The following ACTR3C variants were observed in gnomAD, a reference collection of about 807,000 sequenced individuals.
ACTR3C encodes actin related protein 3C, also known as actin-related protein 3C.
Under a neutral mutation model 26.3 loss-of-function variants are expected in ACTR3C, and 18 were observed. The observed-to-expected ratio is 0.68, with a 90% CI of 0.47 to 1.01. The LOEUF (loss-of-function observed/expected upper bound fraction) is 1.01, where lower values mean the gene tolerates loss of function less well. ACTR3C is among the 50% of genes least tolerant of loss of function. The pLI is 0.00. For synonymous variants in ACTR3C, 55 were observed against 94.5 expected, an observed-to-expected ratio of 0.58 and a Z score of 2.42; for missense variants, 184 against 250.7, an observed-to-expected ratio of 0.73 and a Z score of 1.80.
chr7:150,050,683 A>G, the ACTR3C span, among the ~76,000 whole-genome samples: 1 of 152,098 alleles, frequency 6.6e-6, no homozygotes, highest in Non-Finnish European at 1.5e-5. Flanking sequence ...GAGGACTGGA[A>G]ACAGCATGGA....
the ACTR3C span, among the ~76,000 whole-genome samples, chr7:150,196,389 G>T: frequency 6.6e-5 from 10 of 152,178 alleles, no homozygotes; most frequent in Non-Finnish European, 1.5e-4. Context: ...TGATGAACAT[G>T]TCAAAAGTGT....
intron 6 of ACTR3C, among the ~76,000 whole-genome samples, chr7:150,266,409 T>A (rs1363449742): frequency 6.6e-6 from 1 of 150,836 alleles, no homozygotes; most frequent in Non-Finnish European, 1.5e-5. Flanking sequence ...ACTTTCTCAT[T>A]TCATATACAC....
intron 6 of ACTR3C, among the ~76,000 whole-genome samples, chr7:150,275,185 T>C (rs1281359110): frequency 6.6e-6 from 1 of 152,170 alleles, no homozygotes; most frequent in Non-Finnish European, 1.5e-5. Flanking sequence ...TGACCTAAGC[T>C]AGAAGAGTGT....
chr7:149,990,737 T>C, the ACTR3C span, among the ~76,000 whole-genome samples: 1 of 151,878 alleles, frequency 6.6e-6, no homozygotes, highest in Non-Finnish European at 1.5e-5. Context: ...CTTTTATCTC[T>C]GAGTAAGAAA....
At chr7:149,911,849 T>C in the ACTR3C span, among the ~76,000 whole-genome samples, 13 of 152,058 alleles carry the variant, frequency 8.5e-5, no homozygotes, top group Non-Finnish European at 1.6e-4. Flanking sequence ...CAAATGTGTA[T>C]CTTTGGGCAA....
the ACTR3C span, among the ~76,000 whole-genome samples, chr7:149,945,055 G>A: frequency 6.6e-6 from 1 of 151,854 alleles, no homozygotes; most frequent in African/African-American, 2.4e-5. Flanking sequence ...CAGCCCCAGG[G>A]AAATGTTGTT....
the ACTR3C span, among the ~76,000 whole-genome samples, chr7:149,907,277 C>A: frequency 9.4e-6 from 1 of 105,946 alleles, no homozygotes; most frequent in African/African-American, 3.6e-5. Context: ...CACCTCCATG[C>A]CACGCAGAGA....
At chr7:150,149,079 GTA>G in the ACTR3C span, among the ~76,000 whole-genome samples, 1,071 of 92,108 alleles carry the variant, frequency 0.012, 12 homozygotes, top group Middle Eastern at 0.018. Context: ...TAAAGTTTGA[GTA>G]TATATATATA....
the ACTR3C span, among the ~76,000 whole-genome samples, chr7:149,979,624 C>CT: frequency 1.3e-5 from 2 of 151,688 alleles, no homozygotes; most frequent in East Asian, 3.9e-4. Flanking sequence ...AATTTGTAAC[C>CT]ATCCTTTAAA....
the ACTR3C span, among the ~76,000 whole-genome samples, chr7:150,201,126 A>G: frequency 2.0e-5 from 3 of 152,084 alleles, no homozygotes; most frequent in African/African-American, 4.8e-5. Flanking sequence ...TCCATTATCA[A>G]TTTTCTAACA....
the ACTR3C span, among the ~76,000 whole-genome samples, chr7:150,067,181 G>T: frequency 6.6e-6 from 1 of 152,220 alleles, no homozygotes; most frequent in Admixed American, 6.5e-5. Context: ...CCTTGACCAG[G>T]TTAGGAAGGC....
chr7:149,904,542 ACAAC>A, the ACTR3C span, among the ~76,000 whole-genome samples: 2 of 90,270 alleles, frequency 2.2e-5, no homozygotes, highest in Admixed American at 1.3e-4. Flanking sequence ...AAAAACAACA[ACAAC>A]AACAAAAAAA....
chr7:149,970,438 A>G, the ACTR3C span, among the ~76,000 whole-genome samples: 1 of 152,100 alleles, frequency 6.6e-6, no homozygotes, highest in African/African-American at 2.4e-5. Flanking sequence ...TTGTGTAAGG[A>G]AAAACGACCA....
At chr7:150,141,743 G>A in the ACTR3C span, among the ~76,000 whole-genome samples, 2 of 152,058 alleles carry the variant, frequency 1.3e-5, no homozygotes, top group Non-Finnish European at 2.9e-5. Flanking sequence ...GCTCTGCCTA[G>A]CAGGTAAAGA....
chr7:150,163,046 C>T, the ACTR3C span, among the ~76,000 whole-genome samples: 17 of 151,816 alleles, frequency 1.1e-4, no homozygotes, highest in African/African-American at 3.9e-4. Context: ...TCCAGCTACT[C>T]GGGAGGCTGA....
At chr7:150,161,551 T>G in the ACTR3C span, among the ~76,000 whole-genome samples, 4 of 152,132 alleles carry the variant, frequency 2.6e-5, no homozygotes, top group African/African-American at 7.2e-5. Context: ...AACTCATCAT[T>G]TTTATGGCTG....
chr7:150,278,113 G>C (rs571859771), intron 6 of ACTR3C, among the ~76,000 whole-genome samples: 1 of 152,194 alleles, frequency 6.6e-6, no homozygotes, highest in African/African-American at 2.4e-5. Flanking sequence ...GGTCCAGGGA[G>C]GCTAAATTCC....
At chr7:149,924,886 C>G in the ACTR3C span, among the ~76,000 whole-genome samples, 2 of 152,076 alleles carry the variant, frequency 1.3e-5, no homozygotes, top group African/African-American at 4.8e-5. Context: ...CTTCGGCCTC[C>G]CAAAGTGCTT....
At chr7:149,930,300 G>C in the ACTR3C span, among the ~76,000 whole-genome samples, 1 of 152,168 alleles carries the variant, frequency 6.6e-6, no homozygotes. Flanking sequence ...TGTGTCCTCA[G>C]AAAGTACGCA....
Sources: gnomAD v4.1 joint callset for allele counts (sites outside exome capture counted in the v4.1 genomes callset) on GRCh38, gnomAD v4.1.1 for gene constraint, MANE v1.5 for transcripts, NCBI Gene and HGNC (gene_info 2026-07-23, HGNC 2026-07-21) for gene names.